The following MBNL1 variants were observed in gnomAD, a reference collection of about 807,000 sequenced individuals.
MBNL1 encodes the protein muscleblind-like protein 1.
Under a neutral mutation model 42.2 loss-of-function variants are expected in MBNL1, and 8 were observed. The ratio of observed to expected loss-of-function variants is 0.19; its 90% CI spans 0.11 to 0.34. MBNL1 has a LOEUF of 0.34. MBNL1 is among the 10% of genes least tolerant of loss of function. The probability of loss-of-function intolerance (pLI) is 1.00; values close to 1 mark genes in which losing one functional copy is unlikely to be tolerated. For missense variants in MBNL1, 309 were observed against 495.3 expected (o/e 0.62, Z 3.57); for synonymous variants, 169 against 173.9 (o/e 0.97, Z 0.22).
chr3:152,463,615 T>C lies in MBNL1; in HGVS notation c.*1249T>C, dbSNP rs1205224698. On this transcript the variant is annotated 3_prime_UTR_variant, in exon 10 of 10. Transcript: ENST00000324210. ...GGGTGGGTTAAGTACATGGGTGAAT[T>C]TTATATGTGATTTTTGTTTTGTTTT... 6.6e-6 allele frequency: 1 copy of C among 152,472 alleles called. No individual in the cohort carries two copies. The highest frequency in any genetic ancestry group is 2.4e-5 in the African/African-American group (1 of 41,436). 9.4% of individuals were successfully genotyped at this position (152,472 alleles called of 1,614,324 possible).
At chr3:152,383,779 A>T (rs1340121008) in intron 2 of MBNL1, among the ~76,000 whole-genome samples, 1 of 152,062 alleles carries the variant, frequency 6.6e-6, no homozygotes, top group African/African-American at 2.4e-5. Context: ...GCCATGTTGG[A>T]AAAATAACAC....
intron 8 of MBNL1, among the ~76,000 whole-genome samples, chr3:152,457,441 G>T (rs893212393): frequency 6.6e-6 from 1 of 152,232 alleles, no homozygotes; most frequent in African/African-American, 2.4e-5. Context: ...ACTGTGAGGA[G>T]TAGCCACCCT....
In MBNL1 at chr3:152,462,368, C is replaced by T. The variant is rs974298903; in HGVS notation, c.*19-17C>T. Reference sequence around the variant, plus strand: ...TATTACCTGTTCTAACAAAGCTTATCTCTTTTTCCCTTGTAGATCATGCTA... The same window carrying T: ...TATTACCTGTTCTAACAAAGCTTATTTCTTTTTCCCTTGTAGATCATGCTA... On this transcript the variant is annotated splice_polypyrimidine_tract_variant and intron_variant, in intron 9 of 9. Transcript: ENST00000324210. 1 of 152,180 alleles carries T rather than the reference C, an allele frequency of 6.6e-6. No individual in the cohort carries two copies. The highest frequency in any genetic ancestry group is 1.5e-5 in the Non-Finnish European group (1 of 68,018). 9.4% of individuals were successfully genotyped at this position (152,180 alleles called of 1,614,324 possible).
At chr3:152,335,293 C>A (rs2088987321) in intron 2 of MBNL1, 1 of 1,279,888 alleles carries the variant, frequency 7.8e-7, no homozygotes, top group Non-Finnish European at 1.0e-6. Context: ...GGCCTGCTCG[C>A]TCAAGGCCTG....
intron 2 of MBNL1, among the ~76,000 whole-genome samples, chr3:152,347,231 A>G (rs1236733555): frequency 2.6e-5 from 4 of 152,096 alleles, no homozygotes; most frequent in African/African-American, 9.7e-5. Context: ...TAAAAAGGAA[A>G]TTTCAACTCA....
chr3:152,461,726 G>T (rs991869249), intron 9 of MBNL1, among the ~76,000 whole-genome samples: 3 of 151,994 alleles, frequency 2.0e-5, no homozygotes, highest in African/African-American at 7.2e-5. Flanking sequence ...GTAAATATTC[G>T]CTGCTGAGAA....
chr3:152,367,005 C>G (rs1374794690), intron 2 of MBNL1, among the ~76,000 whole-genome samples: 1 of 152,040 alleles, frequency 6.6e-6, no homozygotes, highest in Non-Finnish European at 1.5e-5. Context: ...GCTGTAAATT[C>G]TAAAGGAACA....
intron 3 of MBNL1, among the ~76,000 whole-genome samples, chr3:152,419,007 T>C (rs1012393968): frequency 1.3e-5 from 2 of 152,132 alleles, no homozygotes; most frequent in Non-Finnish European, 2.9e-5. Flanking sequence ...TGAGCCATCA[T>C]GCCCAGCCGA....
At chr3:152,446,373 T>G (rs2099225618) in intron 5 of MBNL1, among the ~76,000 whole-genome samples, 2 of 152,114 alleles carry the variant, frequency 1.3e-5, no homozygotes, top group Admixed American at 1.3e-4. Flanking sequence ...TTTCTGTGTT[T>G]ATGGATACTT....
intron 2 of MBNL1, chr3:152,338,482 C>T (rs2091974924): frequency 1.0e-6 from 1 of 985,248 alleles, no homozygotes; most frequent in African/African-American, 1.7e-5. Flanking sequence ...TAAGGCTTCC[C>T]AAGCTTTGGC....
chr3:152,332,021 A>C (rs1232901786), intron 2 of MBNL1, among the ~76,000 whole-genome samples: 9 of 152,214 alleles, frequency 5.9e-5, no homozygotes, highest in Non-Finnish European at 7.3e-5. Context: ...GAAGTTTGTT[A>C]AAATGATCAG....
At chr3:152,343,514 G>T (rs2093707574) in intron 2 of MBNL1, among the ~76,000 whole-genome samples, 1 of 152,080 alleles carries the variant, frequency 6.6e-6, no homozygotes, top group Non-Finnish European at 1.5e-5. Context: ...GGCACCCAAT[G>T]CATGTTTGAT....
intron 2 of MBNL1, among the ~76,000 whole-genome samples, chr3:152,374,383 G>A (rs2153291760): frequency 6.6e-6 from 1 of 152,276 alleles, no homozygotes. Context: ...TCTTCAGCTG[G>A]AAAGTATGTA....
At chr3:152,325,189 A>G (rs968981783) in intron 2 of MBNL1, among the ~76,000 whole-genome samples, 17 of 145,790 alleles carry the variant, frequency 1.2e-4, no homozygotes, top group Non-Finnish European at 2.4e-4. Flanking sequence ...GACCTTTTCC[A>G]TGTTTATATA....
chr3:152,408,311 CA>C (rs2098483354), intron 2 of MBNL1, among the ~76,000 whole-genome samples: 2 of 151,906 alleles, frequency 1.3e-5, no homozygotes, highest in South Asian at 4.2e-4. Context: ...AGCATCAAAA[CA>C]GTGAAATCTC....
At chr3:152,433,504 A>G (rs1482153326) in intron 4 of MBNL1, among the ~76,000 whole-genome samples, 2 of 152,144 alleles carry the variant, frequency 1.3e-5, no homozygotes, top group East Asian at 3.8e-4. Flanking sequence ...TAATCCCAGC[A>G]CTTTGGGAGG....
chr3:152,415,770 A>G (rs1204193068), intron 3 of MBNL1, among the ~76,000 whole-genome samples: 1 of 152,186 alleles, frequency 6.6e-6, no homozygotes, highest in Admixed American at 6.5e-5. Flanking sequence ...GCTGAGCAGT[A>G]TATGTGGGTG....
chr3:152,333,985 G>A (rs574426276), intron 2 of MBNL1, among the ~76,000 whole-genome samples: 2 of 152,308 alleles, frequency 1.3e-5, no homozygotes, highest in South Asian at 4.1e-4. Context: ...AATGGGAGCA[G>A]TACTAATATC....
intron 2 of MBNL1, among the ~76,000 whole-genome samples, chr3:152,260,954 T>C (rs930112378): frequency 2.0e-5 from 3 of 152,170 alleles, no homozygotes; most frequent in African/African-American, 7.2e-5. Context: ...TCTAATTCTA[T>C]ATGAGATCGA....
Sources: gnomAD v4.1 joint callset for allele counts (sites outside exome capture counted in the v4.1 genomes callset) on GRCh38, gnomAD v4.1.1 for gene constraint, MANE v1.5 for transcripts, NCBI Gene and HGNC (gene_info 2026-07-23, HGNC 2026-07-21) for gene names.